MAD1L1: variants seen among roughly 807,000 people sequenced by gnomAD.
The protein encoded by MAD1L1 is mitotic arrest deficient 1 like 1, also known as mitotic spindle assembly checkpoint protein MAD1.
MAD1L1 carries 95 observed loss-of-function variants against 96.9 expected under a neutral mutation model. The ratio of observed to expected loss-of-function variants is 0.98; its 90% CI spans 0.83 to 1.16. The LOEUF (loss-of-function observed/expected upper bound fraction) is 1.16. Ranked by LOEUF, MAD1L1 falls within the 50% of genes most tolerant of loss-of-function variation. The probability of loss-of-function intolerance (pLI) is 0.00; values close to 1 mark genes in which losing one functional copy is unlikely to be tolerated. For missense variants in MAD1L1, 1,007 were observed against 954.4 expected (o/e 1.06, Z -0.73); for synonymous variants, 473 against 396.6 (o/e 1.19, Z -2.29).
chr7:2,067,199 G>A (rs973277681), intron 12 of MAD1L1, among the ~76,000 whole-genome samples: 1 of 132,706 alleles, frequency 7.5e-6, no homozygotes. Flanking sequence ...ACGTTCGCAG[G>A]CACCCGGGGT....
intron 18 of MAD1L1, among the ~76,000 whole-genome samples, chr7:1,862,021 T>C (rs932662827): frequency 2.0e-5 from 3 of 152,114 alleles, no homozygotes; most frequent in Non-Finnish European, 4.4e-5. Context: ...GCAGAGTGAC[T>C]AGAGAAGTGA....
At chr7:2,219,894 G>C (rs891999695) in intron 5 of MAD1L1, among the ~76,000 whole-genome samples, 5 of 152,158 alleles carry the variant, frequency 3.3e-5, no homozygotes, top group Non-Finnish European at 4.4e-5. Context: ...TGGTGAGGCG[G>C]CTTCAGAAGC....
At chr7:2,178,639 G>C (rs1791050218) in intron 10 of MAD1L1, among the ~76,000 whole-genome samples, 1 of 152,266 alleles carries the variant, frequency 6.6e-6, no homozygotes, top group Non-Finnish European at 1.5e-5. Context: ...GCTCACGCCT[G>C]TAATCCTAGG....
intron 10 of MAD1L1, among the ~76,000 whole-genome samples, chr7:2,188,612 G>A (rs551793793): frequency 6.6e-6 from 1 of 152,258 alleles, no homozygotes; most frequent in Admixed American, 6.5e-5. Context: ...TCAACACATG[G>A]TGCTGGAAAA....
rs558670094 is a variant in MAD1L1 at position 1,821,424 on chromosome 7, CAG to C, written c.1999-5198_1999-5197del. ...CAATCCTTTTTCAGTTAACAAAAGA[CAG>C]AGAAACACCTTTCCACTATGAACCC... On this transcript the variant is annotated intron_variant, in intron 18 of 18. Transcript: ENST00000265854. Among the ~76,000 whole-genome samples, 26 of 152,226 alleles carry C rather than the reference CAG, an allele frequency of 1.7e-4. 1 individual carries two copies. In the South Asian group the frequency reaches 5.4e-3, roughly 32 times the overall value.
At chr7:2,098,227 C>T (rs1190063235) in intron 11 of MAD1L1, among the ~76,000 whole-genome samples, 1 of 152,176 alleles carries the variant, frequency 6.6e-6, no homozygotes, top group Admixed American at 6.5e-5. Context: ...TGCACAGCGC[C>T]GTCCTCTGCC....
chr7:2,175,483 G>A (rs1453655259), intron 10 of MAD1L1: 2 of 104,892 alleles, frequency 1.9e-5, no homozygotes, highest in East Asian at 3.0e-4. Context: ...TTATTCACAT[G>A]AACCTTTGCC....
At chr7:1,838,482 G>C in intron 18 of MAD1L1, 2 of 310,728 alleles carry the variant, frequency 6.4e-6, no homozygotes, top group South Asian at 5.9e-5. Context: ...CCACACACTA[G>C]ACCGTATGAT....
intron 18 of MAD1L1, chr7:1,874,611 G>A (rs945156966): frequency 1.1e-5 from 5 of 438,718 alleles, no homozygotes; most frequent in Admixed American, 2.7e-5. Flanking sequence ...GAGGCAGGTG[G>A]CTCTTCATCG....
chr7:2,073,548 C>T (rs1785234415), intron 11 of MAD1L1, among the ~76,000 whole-genome samples: 1 of 152,228 alleles, frequency 6.6e-6, no homozygotes, highest in Admixed American at 6.5e-5. Flanking sequence ...GATCCGCTGG[C>T]TCCCCGAATA....
At chr7:1,908,168 G>A (rs1295246473) in intron 17 of MAD1L1, among the ~76,000 whole-genome samples, 1 of 152,226 alleles carries the variant, frequency 6.6e-6, no homozygotes, top group Non-Finnish European at 1.5e-5. Context: ...GTCTGTCCAG[G>A]CTGCTGCAGC....
At chr7:1,982,649 G>A (rs1048725695) in intron 14 of MAD1L1, among the ~76,000 whole-genome samples, 17 of 152,316 alleles carry the variant, frequency 1.1e-4, no homozygotes, top group African/African-American at 3.1e-4. Flanking sequence ...AAAGAGGGAC[G>A]ATTTTCCAAT....
chr7:2,134,963 C>T (rs1788683521), intron 11 of MAD1L1, among the ~76,000 whole-genome samples: 1 of 152,224 alleles, frequency 6.6e-6, no homozygotes, highest in African/African-American at 2.4e-5. Context: ...ACATGAGTCA[C>T]CGTTTCCAGA....
At chr7:2,009,858 G>A (rs1562603831) in intron 13 of MAD1L1, among the ~76,000 whole-genome samples, 3 of 152,302 alleles carry the variant, frequency 2.0e-5, no homozygotes, top group East Asian at 1.9e-4. Flanking sequence ...CTCTAAGTGT[G>A]TGCTGCCGGG....
At chr7:1,902,508 G>A (rs1299087500) in intron 17 of MAD1L1, among the ~76,000 whole-genome samples, 1 of 152,236 alleles carries the variant, frequency 6.6e-6, no homozygotes, top group East Asian at 1.9e-4. Context: ...TCCTTCGAGT[G>A]TTACGGGGCA....
At chr7:2,152,969 A>AT (rs1789653945) in intron 10 of MAD1L1, among the ~76,000 whole-genome samples, 1 of 152,228 alleles carries the variant, frequency 6.6e-6, no homozygotes. Flanking sequence ...AAGTTGTGAA[A>AT]TTTTGTATAC....
intron 12 of MAD1L1, among the ~76,000 whole-genome samples, chr7:2,048,047 ACAG>A (rs1784008912): frequency 6.6e-6 from 1 of 152,238 alleles, no homozygotes. Flanking sequence ...ACACACATAC[ACAG>A]CACTCAACAC....
chr7:2,140,032 C>T lies in MAD1L1; in HGVS notation c.1073+9120G>A, dbSNP rs914638563. ...TGCCCTGCTCCACTGCAGCACAGCA[C>T]GCCACAGGCCAGGTGGCCAGGCTTC... On this transcript the variant is annotated intron_variant, in intron 11 of 18. Transcript: ENST00000265854. Among the ~76,000 whole-genome samples the T allele has an allele frequency of 6.6e-5, 10 of 151,256 alleles. No homozygotes were observed. The South Asian group carries it at 1.3e-3, about 19-fold the overall frequency.
intron 12 of MAD1L1, among the ~76,000 whole-genome samples, chr7:2,019,657 C>T (rs1253328331): frequency 6.6e-6 from 1 of 152,088 alleles, no homozygotes; most frequent in Non-Finnish European, 1.5e-5. Context: ...GGCCCAGCCC[C>T]AGCCACCCCC....
Sources: allele counts gnomAD v4.1 joint callset (sites outside exome capture counted in the v4.1 genomes callset), GRCh38; gene constraint gnomAD v4.1.1; transcripts MANE v1.5; gene names NCBI Gene and HGNC (gene_info 2026-07-23, HGNC 2026-07-21).